The following LRFN5 variants were observed in gnomAD, a reference collection of about 807,000 sequenced individuals.
LRFN5 encodes the protein leucine-rich repeat and fibronectin type-III domain-containing protein 5.
LRFN5 carries 24 observed loss-of-function variants against 45.6 expected under a neutral mutation model. That is an observed-to-expected ratio of 0.53 (90% CI 0.38 to 0.74). The LOEUF is 0.74. LRFN5 is among the 30% of genes least tolerant of loss of function. LRFN5 has a pLI of 0.00. For synonymous variants in LRFN5, 340 were observed against 313.8 expected, an observed-to-expected ratio of 1.08 and a Z score of -0.88; for missense variants, 776 against 861.5, an observed-to-expected ratio of 0.90 and a Z score of 1.24.
At chr14:41,776,637 A>T (rs1886303226) in intron 2 of LRFN5, among the ~76,000 whole-genome samples, 1 of 152,128 alleles carries the variant, frequency 6.6e-6, no homozygotes, top group Non-Finnish European at 1.5e-5. Flanking sequence ...AGGAATTTTC[A>T]TAAAGGACCC....
intron 1 of LRFN5, among the ~76,000 whole-genome samples, chr14:41,696,082 C>T (rs956860369): frequency 6.6e-6 from 1 of 151,852 alleles, no homozygotes; most frequent in Non-Finnish European, 1.5e-5. Flanking sequence ...TCATGGACAA[C>T]TTTGAGGGGT....
At chr14:41,658,163 A>G (rs1205357101) in intron 1 of LRFN5, among the ~76,000 whole-genome samples, 1 of 152,026 alleles carries the variant, frequency 6.6e-6, no homozygotes, top group Admixed American at 6.6e-5. Flanking sequence ...TTTGGTCTCA[A>G]TGGAGACAAT....
intron 1 of LRFN5, chr14:41,699,730 C>A (rs1026462407): frequency 2.0e-5 from 3 of 152,132 alleles, no homozygotes; most frequent in South Asian, 2.1e-4. Flanking sequence ...ATTGAGTCAA[C>A]CCCAGACACT....
intron 2 of LRFN5, among the ~76,000 whole-genome samples, chr14:41,853,963 G>A (rs771456648): frequency 5.3e-5 from 8 of 152,094 alleles, no homozygotes; most frequent in Non-Finnish European, 8.8e-5. Context: ...TAGAAAACTC[G>A]TTTAATTGTC....
chr14:41,758,163 A>T (rs1885496343), intron 1 of LRFN5, among the ~76,000 whole-genome samples: 1 of 152,106 alleles, frequency 6.6e-6, no homozygotes, highest in Admixed American at 6.5e-5. Flanking sequence ...AGTGCTTGCC[A>T]GATTTCCTTG....
intron 1 of LRFN5, among the ~76,000 whole-genome samples, chr14:41,752,192 CT>C (rs1279513618): frequency 6.6e-6 from 1 of 152,098 alleles, no homozygotes; most frequent in Admixed American, 6.5e-5. Flanking sequence ...GGTTCCAAGT[CT>C]TTGCTATTTT....
intron 2 of LRFN5, among the ~76,000 whole-genome samples, chr14:41,781,602 A>AAG (rs1464744588): frequency 2.2e-5 from 2 of 89,508 alleles, no homozygotes; most frequent in Admixed American, 1.1e-4. Flanking sequence ...GAAAGAAAGA[A>AAG]AGAAAGAAAG....
chr14:41,607,510 T>C lies in LRFN5; in HGVS notation c.-1249T>C, dbSNP rs1448874627. On this transcript the variant is annotated 5_prime_UTR_variant, in exon 1 of 6. Coordinates refer to ENST00000298119, the MANE Select transcript of LRFN5 (RefSeq NM_152447.5). ...ATGTCTCTAGTGTTTTGTAAGCCGC[T>C]TTCCAGCTAGCTGCGTGTGTGTGTG... 6.6e-6 allele frequency: 1 copy of C among 152,214 alleles called. No individual in the cohort carries two copies. The highest frequency in any genetic ancestry group is 2.4e-5 in the African/African-American group (1 of 41,438). The allele number at this position is 152,214 out of a possible 1,614,324, so 9.4% of individuals were successfully genotyped here. A position where few individuals can be genotyped will look rare whatever the true frequency, so the allele number is the denominator to read the frequency against.
At chr14:41,827,419 CAA>C (rs1888335259) in intron 2 of LRFN5, among the ~76,000 whole-genome samples, 1 of 151,822 alleles carries the variant, frequency 6.6e-6, no homozygotes, top group South Asian at 2.1e-4. Context: ...AATCATATTT[CAA>C]AAGTTATTGC....
intron 1 of LRFN5, among the ~76,000 whole-genome samples, chr14:41,723,982 A>G (rs998470096): frequency 6.6e-6 from 1 of 152,156 alleles, no homozygotes; most frequent in Non-Finnish European, 1.5e-5. Context: ...CTGTAAGCCT[A>G]TCTCCAAGTT....
At chr14:41,758,548 C>T (rs1885511914) in intron 1 of LRFN5, among the ~76,000 whole-genome samples, 1 of 152,150 alleles carries the variant, frequency 6.6e-6, no homozygotes, top group South Asian at 2.1e-4. Flanking sequence ...GTCACAGATT[C>T]ACAGATTTAA....
intron 2 of LRFN5, among the ~76,000 whole-genome samples, chr14:41,811,558 G>T (rs774028967): frequency 6.6e-6 from 1 of 151,992 alleles, no homozygotes. Flanking sequence ...AATAAACATG[G>T]TATATACACA....
At chr14:41,819,692 C>T (rs1888044511) in intron 2 of LRFN5, among the ~76,000 whole-genome samples, 1 of 152,154 alleles carries the variant, frequency 6.6e-6, no homozygotes, top group Middle Eastern at 3.4e-3. Context: ...AGATTCCACA[C>T]ACTTTTAAAC....
rs1889747531 is a variant in LRFN5 at position 41,863,781 on chromosome 14, C to A, written c.-20-22825C>A. 4.6e-5 allele frequency among the ~76,000 whole-genome samples: 7 copies of A among 152,174 alleles called. 1 individual carries two copies. The South Asian group carries it at 1.5e-3, about 32-fold the overall frequency. On this transcript the variant is annotated intron_variant, in intron 2 of 5. Transcript: ENST00000298119. ...CACGTCGCATTGTCGTTTTCTGCAC[C>A]CATCAAACTGTCATCTACATTAGGT...
intron 2 of LRFN5, among the ~76,000 whole-genome samples, chr14:41,771,458 G>A (rs1886086732): frequency 6.6e-6 from 1 of 151,952 alleles, no homozygotes; most frequent in African/African-American, 2.4e-5. Flanking sequence ...AGTTTCAACT[G>A]TAGATCATTT....
At chr14:41,677,919 G>T (rs913272209) in intron 1 of LRFN5, among the ~76,000 whole-genome samples, 1 of 151,864 alleles carries the variant, frequency 6.6e-6, no homozygotes, top group South Asian at 2.1e-4. Context: ...ATTCACAAAA[G>T]ACCAAATGGC....
Position 41,886,663 on chromosome 14 carries a change from T to C in LRFN5, c.38T>C (p.Ile13Thr), listed in dbSNP as rs1890583114. 1.2e-6 allele frequency: 2 copies of C among 1,602,390 alleles called. No individual in the cohort carries two copies. Residue 13 changes from isoleucine to threonine, a missense_variant, in exon 3 of 6, where the codon ATA becomes ACA. Physicochemically the swap from Ile to Thr is moderately conservative, Grantham distance 89. This residue lies in a region of LRFN5 where 311 missense variants were observed against 405.1 expected (regional missense o/e 0.77). Transcript: ENST00000298119. ...KILFYLFLIG[I>T]AVKAQICPKR... ...CTTTTTTATCTGTTTCTCATTGGCA[T>C]AGCAGTGAAAGCTCAGATCTGTCCA...
intron 1 of LRFN5, among the ~76,000 whole-genome samples, chr14:41,750,981 C>T (rs964060142): frequency 6.6e-6 from 1 of 152,068 alleles, no homozygotes. Context: ...CAGCCCCCTA[C>T]GTCCCGACAG....
At chr14:41,830,285 A>C (rs1888435698) in intron 2 of LRFN5, among the ~76,000 whole-genome samples, 1 of 151,836 alleles carries the variant, frequency 6.6e-6, no homozygotes. Context: ...TTTCTGGCTT[A>C]TTTCATGATC....
Sources: gnomAD v4.1 joint callset for allele counts (sites outside exome capture counted in the v4.1 genomes callset) on GRCh38, gnomAD v4.1.1 for gene constraint, gnomAD v4.1.1 regional missense constraint, MANE v1.5 for transcripts, NCBI Gene and HGNC (gene_info 2026-07-23, HGNC 2026-07-21) for gene names.